Variants in BRIP1 observed in about 807,000 individuals in gnomAD.
BRIP1 encodes BRCA1 interacting DNA helicase 1.
A neutral mutation model predicts 119.7 loss-of-function variants in BRIP1; 88 were observed. That is an observed-to-expected ratio of 0.74 (90% CI 0.62 to 0.88). The LOEUF (loss-of-function observed/expected upper bound fraction) is 0.88, where lower values mean the gene tolerates loss of function less well. BRIP1 is among the 40% of genes least tolerant of loss of function. BRIP1 has a pLI of 0.00. For synonymous variants in BRIP1, 443 were observed against 496.5 expected (o/e 0.89, Z 1.43); for missense variants, 1,259 against 1,455.4 (o/e 0.87, Z 2.20).
intron 16 of BRIP1, among the ~76,000 whole-genome samples, chr17:61,719,980 T>G (rs1267317501): frequency 6.6e-6 from 1 of 151,976 alleles, no homozygotes; most frequent in African/African-American, 2.4e-5. Context: ...AGGTGTGTGC[T>G]GCCATGCCTG....
chr17:61,857,316 G>C lies in BRIP1; in HGVS notation c.206-85C>G. The C allele has an allele frequency of 7.7e-7, 1 of 1,299,352 alleles. No homozygotes were observed. The highest frequency in any genetic ancestry group is 2.6e-5 in the East Asian group (1 of 39,160). The allele number at this position is 1,299,352 out of a possible 1,614,324, so 80.5% of individuals were successfully genotyped here. Reference sequence around the variant, plus strand: ...CTACAGCCCAGTTCACCCAGGATTGGGAGGTTTCCTAAGATAAAAGATTTT... The same window carrying C: ...CTACAGCCCAGTTCACCCAGGATTGCGAGGTTTCCTAAGATAAAAGATTTT... On this transcript the variant is annotated intron_variant, in intron 3 of 19. Transcript: ENST00000259008. This position sits in a 1 kb window ranked among gnomAD's most constrained non-coding sequence, Gnocchi z 5.1.
At position 61,744,484 on chromosome 17, in the gene BRIP1, A is replaced by G. The variant is rs2077031296; in HGVS notation, c.2205T>C (p.Phe735=). The change falls in exon 15 of 20, where the codon TTT becomes TTC. Residue 735 remains phenylalanine (F), a synonymous_variant. Coordinates refer to ENST00000259008, the MANE Select transcript of BRIP1 (RefSeq NM_032043.3). The surrounding 1 kb of genome is among the most constrained non-coding windows in gnomAD (Gnocchi z 5.0). Reference sequence around the variant, plus strand: ...CATAGTACACCTGCAGTAATTCATCAAAATTTGTTTTTTCTCCTCCCTGTG... The same window carrying G: ...CATAGTACACCTGCAGTAATTCATCGAAATTTGTTTTTTCTCCTCCCTGTG... ...VEPQGGEKTN[F]DELLQVYYDA... 6.2e-7 allele frequency: 1 copy of G among 1,613,842 alleles called. No homozygotes were observed. The highest frequency in any genetic ancestry group is 8.5e-7 in the Non-Finnish European group (1 of 1,179,928).
intron 14 of BRIP1, among the ~76,000 whole-genome samples, chr17:61,765,181 T>C (rs2144886573): frequency 6.6e-6 from 1 of 151,024 alleles, no homozygotes; most frequent in African/African-American, 2.4e-5. Flanking sequence ...TATTCTGTTA[T>C]AGCATCAAAA....
rs1408141105 is a variant in BRIP1, at chr17:61,831,943, G to A, written c.627+15158C>T. On this transcript the variant is annotated intron_variant, in intron 6 of 19. Transcript: ENST00000259008. The surrounding 1 kb of genome is among the most constrained non-coding windows in gnomAD (Gnocchi z 4.1). ...GACAGACAGATACAGAAAAAATATA[G>A]ACATAAATGTATATGTCTATGAGTC... is the stretch of plus-strand genomic sequence containing the variant. Among the ~76,000 whole-genome samples, 3 of 151,996 alleles carry A rather than the reference G, an allele frequency of 2.0e-5. No homozygotes were observed. Among genetic ancestry groups the A allele is most frequent in the Non-Finnish European group, 4.4e-5 (3 of 67,994 alleles).
At position 61,693,341 on chromosome 17, in the gene BRIP1, ATAG is replaced by A; in HGVS notation, c.2575+86_2575+88del. 8.8e-7 allele frequency: 1 copy of A among 1,135,812 alleles called. No individual in the cohort carries two copies. The highest frequency in any genetic ancestry group is 1.3e-6 in the Non-Finnish European group (1 of 747,144). The allele number at this position is 1,135,812 out of a possible 1,614,324, so 70.4% of individuals were successfully genotyped here. On this transcript the variant is annotated intron_variant, in intron 18 of 19. Coordinates refer to ENST00000259008, the MANE Select transcript of BRIP1 (RefSeq NM_032043.3). The surrounding 1 kb of genome is among the most constrained non-coding windows in gnomAD (Gnocchi z 4.2). ...AATATTGTACTGTGCACTTAATAAG[ATAG>A]TAGAGCTCATGTTATGTGTTTTTCA...
chr17:61,852,901 C>T lies in BRIP1; in HGVS notation c.380-3645G>A, dbSNP rs370764289. ...GCTGCAGGGGTTGGAGGGATCTGACCGGGGACGCATAAATTGATTCAACCA... is the reference window on the plus strand; with the variant it reads ...GCTGCAGGGGTTGGAGGGATCTGACTGGGGACGCATAAATTGATTCAACCA... On this transcript the variant is annotated intron_variant, in intron 4 of 19. Coordinates refer to ENST00000259008, the MANE Select transcript of BRIP1 (RefSeq NM_032043.3). The surrounding 1 kb of genome is among the most constrained non-coding windows in gnomAD (Gnocchi z 4.9). Among the ~76,000 whole-genome samples the T allele has an allele frequency of 6.6e-6, 1 of 151,988 alleles. No homozygotes were observed. Among genetic ancestry groups the T allele is most frequent in the African/African-American group, 2.4e-5 (1 of 41,460 alleles).
chr17:61,750,613 T>C (rs2077119012), intron 14 of BRIP1, among the ~76,000 whole-genome samples: 1 of 151,466 alleles, frequency 6.6e-6, no homozygotes, highest in African/African-American at 2.4e-5. Flanking sequence ...AAAAGATTAA[T>C]ATCCAGAAGA....
chr17:61,784,410 A>G lies in BRIP1; in HGVS notation c.1488T>C (p.Ala496=), dbSNP rs1603337034. The change falls in exon 11 of 20, where the codon GCT becomes GCC. Residue 496 remains alanine (A), a synonymous_variant. Coordinates refer to ENST00000259008, the MANE Select transcript of BRIP1 (RefSeq NM_032043.3). The part of the protein sequence containing the change: ...TFPILQGHFS[A]VLQKEEKISP... Reference sequence around the variant, plus strand: ...AGATTTTTTCCTCTTTTTGAAGAACAGCAGAAAAATGTCCCTATAAGAAAT... The same window carrying G: ...AGATTTTTTCCTCTTTTTGAAGAACGGCAGAAAAATGTCCCTATAAGAAAT... 1.2e-6 allele frequency: 2 copies of G among 1,613,244 alleles called. No individual in the cohort carries two copies. Among genetic ancestry groups the G allele is most frequent in the Non-Finnish European group, 1.7e-6 (2 of 1,179,396 alleles).
At position 61,757,928 on chromosome 17, in the gene BRIP1, GACT is replaced by G. The variant is rs1394704539; in HGVS notation, c.2098-13340_2098-13338del. 6.6e-6 allele frequency among the ~76,000 whole-genome samples: 1 copy of G among 151,494 alleles called. No homozygotes were observed. The highest frequency in any genetic ancestry group is 1.9e-4 in the East Asian group (1 of 5,168). On this transcript the variant is annotated intron_variant, in intron 14 of 19. Transcript: ENST00000259008. This position sits in a 1 kb window ranked among gnomAD's most constrained non-coding sequence, Gnocchi z 4.3. ...GGATCACCTGAGCCAGGGAGGTAAAGACTACAGTGAGCCAGTGATTGTACCACC... is the reference window on the plus strand; with the variant it reads ...GGATCACCTGAGCCAGGGAGGTAAAGACAGTGAGCCAGTGATTGTACCACC...
rs536544638 is a variant in BRIP1, at chr17:61,831,868, G to A, written c.627+15233C>T. 1.4e-4 allele frequency among the ~76,000 whole-genome samples: 22 copies of A among 152,272 alleles called. No homozygotes were observed. The highest frequency in any genetic ancestry group is 2.0e-4 in the Admixed American group (3 of 15,304). On this transcript the variant is annotated intron_variant, in intron 6 of 19. Coordinates refer to ENST00000259008, the MANE Select transcript of BRIP1 (RefSeq NM_032043.3). The surrounding 1 kb of genome is among the most constrained non-coding windows in gnomAD (Gnocchi z 4.1). ...AAATTAGAATGGGCCCTCTGGTACTGGAATGGAACTGGATGTATTGGTATA... is the reference window on the plus strand; with the variant it reads ...AAATTAGAATGGGCCCTCTGGTACTAGAATGGAACTGGATGTATTGGTATA...
chr17:61,801,584 T>C, intron 7 of BRIP1, 110 bp from the exon 8 acceptor site: 1 of 1,063,410 alleles, frequency 9.4e-7, no homozygotes, highest in Non-Finnish European at 1.4e-6. Flanking sequence ...AGGCTAAGAT[T>C]TTACTGGCTA....
rs1320207592 is a variant in BRIP1 at position 61,689,588 on chromosome 17, T to C, written c.2576-3423A>G. ...CCAAATACATGAAGCCCAGTGAACC[T>C]GAACAGGATGAACCCAAAAGTCTGT... On this transcript the variant is annotated intron_variant, in intron 18 of 19. Transcript: ENST00000259008. The surrounding 1 kb of genome is among the most constrained non-coding windows in gnomAD (Gnocchi z 4.5). 6.6e-6 allele frequency among the ~76,000 whole-genome samples: 1 copy of C among 152,088 alleles called. No homozygotes were observed. The highest frequency in any genetic ancestry group is 2.4e-5 in the African/African-American group (1 of 41,410).
rs1020066897 is a variant in BRIP1, at chr17:61,799,911, A to T, written c.1141-612T>A. Among the ~76,000 whole-genome samples the T allele has an allele frequency of 1.3e-5, 2 of 152,120 alleles. No homozygotes were observed. The highest frequency in any genetic ancestry group is 4.8e-5 in the African/African-American group (2 of 41,448). On this transcript the variant is annotated intron_variant, in intron 8 of 19. Transcript: ENST00000259008. This position sits in a 1 kb window ranked among gnomAD's most constrained non-coding sequence, Gnocchi z 5.1. Reference sequence around the variant, plus strand: ...ACTATTAACCTGTGAATCAAAGGACATCACCACTTTCACAATGGGGGTAAG... The same window carrying T: ...ACTATTAACCTGTGAATCAAAGGACTTCACCACTTTCACAATGGGGGTAAG...
chr17:61,744,693 T>C lies in BRIP1; in HGVS notation c.2098-102A>G. ...TGACTACGGCAAGTATATTAATCTC[T>C]CTGTGTCTTTTCTCATTTATAAAAT... On this transcript the variant is annotated intron_variant, in intron 14 of 19. Coordinates refer to ENST00000259008, the MANE Select transcript of BRIP1 (RefSeq NM_032043.3). This position sits in a 1 kb window ranked among gnomAD's most constrained non-coding sequence, Gnocchi z 5.0. 1 of 1,011,518 alleles carries C rather than the reference T, an allele frequency of 9.9e-7. No individual in the cohort carries two copies. The allele number at this position is 1,011,518 out of a possible 1,614,324, so 62.7% of individuals were successfully genotyped here.
At chr17:61,788,717 A>G (rs1439761429) in intron 10 of BRIP1, among the ~76,000 whole-genome samples, 2 of 152,158 alleles carry the variant, frequency 1.3e-5, no homozygotes, top group Admixed American at 1.3e-4. Flanking sequence ...GTGCTTCAGG[A>G]GGCCGAGGTG....
In BRIP1 at chr17:61,815,888, T is replaced by C. The variant is rs2078229064; in HGVS notation, c.628-7131A>G. 6.6e-6 allele frequency among the ~76,000 whole-genome samples: 1 copy of C among 152,210 alleles called. No homozygotes were observed. Among genetic ancestry groups the C allele is most frequent in the African/African-American group, 2.4e-5 (1 of 41,458 alleles). On this transcript the variant is annotated intron_variant, in intron 6 of 19. Coordinates refer to ENST00000259008, the MANE Select transcript of BRIP1 (RefSeq NM_032043.3). The surrounding 1 kb of genome is among the most constrained non-coding windows in gnomAD (Gnocchi z 4.1). ...AGGGTTTTTTAATCTTTATCAACCA[T>C]TTGCTGTTGTCCAAGCCATCTAAAC...
At chr17:61,733,558 G>A (rs1200205710) in intron 16 of BRIP1, among the ~76,000 whole-genome samples, 3 of 151,926 alleles carry the variant, frequency 2.0e-5, no homozygotes, top group South Asian at 2.1e-4. Flanking sequence ...TTATAAAGTC[G>A]ATAAGTAACT....
At chr17:61,731,226 C>T (rs997049287) in intron 16 of BRIP1, among the ~76,000 whole-genome samples, 5 of 152,112 alleles carry the variant, frequency 3.3e-5, no homozygotes, top group Non-Finnish European at 5.9e-5. Flanking sequence ...TCCAAAAATT[C>T]CAAGAGCAAG....
intron 14 of BRIP1, among the ~76,000 whole-genome samples, chr17:61,772,167 A>G (rs2077459915): frequency 4.8e-5 from 1 of 20,642 alleles, no homozygotes; most frequent in African/African-American, 1.4e-4. Context: ...TTATATATAT[A>G]TATATATATA....
Sources: allele counts gnomAD v4.1 joint callset (sites outside exome capture counted in the v4.1 genomes callset), GRCh38; gene constraint gnomAD v4.1.1; non-coding constraint Gnocchi (gnomAD v3.1); transcripts MANE v1.5; gene names NCBI Gene and HGNC (gene_info 2026-07-23, HGNC 2026-07-21).